The following ZSWIM5 variants were observed in gnomAD, a reference collection of about 807,000 sequenced individuals.
The protein encoded by ZSWIM5 is zinc finger SWIM domain-containing protein 5.
In ZSWIM5, 55 loss-of-function variants were observed where a neutral mutation model predicts 119.6. The observed-to-expected ratio is 0.46, with a 90% CI of 0.37 to 0.58. ZSWIM5 has a LOEUF of 0.58. ZSWIM5 is among the 20% of genes least tolerant of loss of function. The pLI is 0.00. For synonymous variants in ZSWIM5, 537 were observed against 606.9 expected (o/e 0.88, Z 1.69); for missense variants, 1,193 against 1,512.8 (o/e 0.79, Z 3.51).
intron 1 of ZSWIM5, among the ~76,000 whole-genome samples, chr1:45,123,477 T>C (rs2149028285): frequency 6.6e-6 from 1 of 152,032 alleles, no homozygotes; most frequent in Middle Eastern, 3.4e-3. Flanking sequence ...AATAAAAAAA[T>C]GTATGGACTC....
chr1:45,192,083 C>T (rs1011117663), intron 1 of ZSWIM5, among the ~76,000 whole-genome samples: 2 of 152,164 alleles, frequency 1.3e-5, no homozygotes, highest in Non-Finnish European at 2.9e-5. Flanking sequence ...CTATTCTGGA[C>T]ATTTTGTATA....
At chr1:45,205,710 CG>C (rs1318499240) in intron 1 of ZSWIM5, 45 bp downstream of exon 1, 4 of 1,475,158 alleles carry the variant, frequency 2.7e-6, no homozygotes. Context: ...GAGGCACCCG[CG>C]GAAGAGGAGG....
At position 45,081,929 on chromosome 1, in the gene ZSWIM5, G is replaced by A. The variant is rs1175189102; in HGVS notation, c.952+5952C>T. On this transcript the variant is annotated intron_variant, in intron 2 of 13. Transcript: ENST00000359600. ...AAGATTGAGAAATCGGATGGTTGCC[G>A]TGTCTGTGTAGAAAGAAGTAGACAT... Among the ~76,000 whole-genome samples, 6 of 152,180 alleles carry A rather than the reference G, an allele frequency of 3.9e-5. No individual in the cohort carries two copies. The South Asian group carries it at 1.2e-3, about 32-fold the overall frequency.
At chr1:45,101,703 A>G (rs949924342) in intron 1 of ZSWIM5, among the ~76,000 whole-genome samples, 8 of 152,360 alleles carry the variant, frequency 5.3e-5, no homozygotes, top group Admixed American at 2.6e-4. Flanking sequence ...ACGGAATATT[A>G]TGCAGCCATA....
intron 1 of ZSWIM5, among the ~76,000 whole-genome samples, chr1:45,196,196 G>A (rs1468497788): frequency 6.6e-6 from 1 of 150,646 alleles, no homozygotes; most frequent in Middle Eastern, 3.2e-3. Context: ...TTTCTACAAC[G>A]GCATTTCTCA....
chr1:45,111,079 A>C (rs1645514372), intron 1 of ZSWIM5, among the ~76,000 whole-genome samples: 1 of 152,172 alleles, frequency 6.6e-6, no homozygotes, highest in African/African-American at 2.4e-5. Context: ...GAGGAAGTAA[A>C]TGTTATAGCA....
intron 11 of ZSWIM5, among the ~76,000 whole-genome samples, chr1:45,029,647 C>A (rs1644940603): frequency 6.6e-6 from 1 of 152,128 alleles, no homozygotes; most frequent in African/African-American, 2.4e-5. Context: ...TTGATATTTC[C>A]CGACTGCAGC....
chr1:45,164,462 A>C (rs1265926684), intron 1 of ZSWIM5, among the ~76,000 whole-genome samples: 2 of 152,154 alleles, frequency 1.3e-5, no homozygotes, highest in East Asian at 3.8e-4. Flanking sequence ...TCAAATTCAC[A>C]CATAACAATA....
intron 1 of ZSWIM5, among the ~76,000 whole-genome samples, chr1:45,151,361 A>G (rs888467938): frequency 2.0e-5 from 3 of 152,074 alleles, no homozygotes; most frequent in Admixed American, 2.0e-4. Flanking sequence ...TACCTGGTTC[A>G]TGGTATGGCT....
At chr1:45,105,441 G>A (rs4027852) in intron 1 of ZSWIM5, among the ~76,000 whole-genome samples, 19 of 147,186 alleles carry the variant, frequency 1.3e-4, no homozygotes, top group African/African-American at 3.9e-4. Flanking sequence ...GCCTCTGCCC[G>A]GCCGCCCCGT....
chr1:45,199,596 A>T (rs893755304), intron 1 of ZSWIM5, among the ~76,000 whole-genome samples: 1 of 152,064 alleles, frequency 6.6e-6, no homozygotes, highest in African/African-American at 2.4e-5. Flanking sequence ...TGGCCTCAAT[A>T]GTCTACTTTT....
At chr1:45,031,048 C>T (rs1315663078) in intron 11 of ZSWIM5, among the ~76,000 whole-genome samples, 2 of 151,350 alleles carry the variant, frequency 1.3e-5, no homozygotes, top group African/African-American at 4.9e-5. Flanking sequence ...ATCCACCTAC[C>T]TCGGCTCCCA....
chr1:45,194,738 G>A (rs767374743), intron 1 of ZSWIM5, among the ~76,000 whole-genome samples: 9 of 152,006 alleles, frequency 5.9e-5, no homozygotes, highest in Non-Finnish European at 1.0e-4. Flanking sequence ...TCAGCCAGGC[G>A]TGGTGGCGGG....
intron 1 of ZSWIM5, among the ~76,000 whole-genome samples, chr1:45,192,000 A>G (rs1646095733): frequency 6.6e-6 from 1 of 152,102 alleles, no homozygotes; most frequent in Non-Finnish European, 1.5e-5. Flanking sequence ...GAAATCCCAT[A>G]CCCATTAGTA....
chr1:45,106,736 T>C (rs10127522), intron 1 of ZSWIM5, among the ~76,000 whole-genome samples: 3,131 of 151,612 alleles, frequency 0.021, 118 homozygotes, highest in African/African-American at 0.072. Flanking sequence ...CCATCAAGAA[T>C]GGGCCATGAT....
In ZSWIM5 at chr1:45,086,007, C is replaced by T. The variant is rs114226209; in HGVS notation, c.952+1874G>A. ...CTGCTATAAAAAAATACCTGAGAAT[C>T]GGTAATTTATTTTTAAAAAAGAGGT... On this transcript the variant is annotated intron_variant, in intron 2 of 13. Coordinates refer to ENST00000359600, the MANE Select transcript of ZSWIM5 (RefSeq NM_020883.2). 3.3e-5 allele frequency among the ~76,000 whole-genome samples: 5 copies of T among 152,088 alleles called. No homozygotes were observed. The East Asian group carries it at 7.7e-4, about 23-fold the overall frequency.
At chr1:45,179,013 C>A (rs1177085972) in intron 1 of ZSWIM5, among the ~76,000 whole-genome samples, 1 of 151,924 alleles carries the variant, frequency 6.6e-6, no homozygotes, top group African/African-American at 2.4e-5. Context: ...TCTATATACA[C>A]TAGCAACAAA....
intron 2 of ZSWIM5, chr1:45,070,415 G>A: frequency 7.2e-7 from 1 of 1,390,860 alleles, no homozygotes; most frequent in Non-Finnish European, 1.0e-6. Context: ...ACGGGACATG[G>A]TACAAAGTCT....
At chr1:45,106,591 G>A (rs1390437021) in intron 1 of ZSWIM5, among the ~76,000 whole-genome samples, 2 of 134,870 alleles carry the variant, frequency 1.5e-5, no homozygotes, top group Non-Finnish European at 3.2e-5. Context: ...TGGGAAGTGA[G>A]GTGCCTCTGC....
Sources: allele counts gnomAD v4.1 joint callset (sites outside exome capture counted in the v4.1 genomes callset), GRCh38; gene constraint gnomAD v4.1.1; transcripts MANE v1.5; gene names NCBI Gene and HGNC (gene_info 2026-07-23, HGNC 2026-07-21).